The following CTNND2 variants were observed in gnomAD, a reference collection of about 807,000 sequenced individuals.
The protein encoded by CTNND2 is catenin delta 2.
A neutral mutation model predicts 144.4 loss-of-function variants in CTNND2; 22 were observed. The observed-to-expected ratio is 0.15, with a 90% CI of 0.11 to 0.22. The LOEUF (loss-of-function observed/expected upper bound fraction) is 0.22. Ranked by LOEUF, CTNND2 falls within the 10% of genes least tolerant of loss-of-function variation. The probability of loss-of-function intolerance (pLI) is 1.00; values close to 1 mark genes in which losing one functional copy is unlikely to be tolerated. For synonymous variants in CTNND2, 751 were observed against 695.6 expected, an observed-to-expected ratio of 1.08 and a Z score of -1.25; for missense variants, 1,353 against 1,618.8, an observed-to-expected ratio of 0.84 and a Z score of 2.82.
At chr5:11,573,850 T>A (rs1777765931) in intron 2 of CTNND2, among the ~76,000 whole-genome samples, 1 of 152,248 alleles carries the variant, frequency 6.6e-6, no homozygotes, top group African/African-American at 2.4e-5. Flanking sequence ...TCCATCTGCT[T>A]TTGCTCTGCC....
At chr5:11,781,456 T>C (rs1025515176) in intron 1 of CTNND2, among the ~76,000 whole-genome samples, 1 of 152,198 alleles carries the variant, frequency 6.6e-6, no homozygotes, top group African/African-American at 2.4e-5. Context: ...AATCAAATGT[T>C]GGGGATTCCT....
At chr5:11,795,656 A>G (rs1581897577) in intron 1 of CTNND2, among the ~76,000 whole-genome samples, 1 of 152,230 alleles carries the variant, frequency 6.6e-6, no homozygotes. Context: ...ACAGTGGCTG[A>G]TGGCCCATGA....
chr5:11,789,551 G>A (rs1270916987), intron 1 of CTNND2, among the ~76,000 whole-genome samples: 1 of 152,046 alleles, frequency 6.6e-6, no homozygotes, highest in African/African-American at 2.4e-5. Context: ...TGGTATAGAG[G>A]AAAGCTATTG....
intron 1 of CTNND2, among the ~76,000 whole-genome samples, chr5:11,770,450 AGGAAGGAAGGAAGGGGTAGG>A (rs1789861321): frequency 7.4e-6 from 1 of 136,050 alleles, no homozygotes; most frequent in Admixed American, 7.1e-5. Context: ...GAAGGAAGGA[AGGAAGGAAGGAAGGGGTAGG>A]GGTAGGGGAA....
intron 5 of CTNND2, among the ~76,000 whole-genome samples, chr5:11,408,638 G>A (rs1262688251): frequency 6.6e-6 from 1 of 152,018 alleles, no homozygotes; most frequent in East Asian, 1.9e-4. Context: ...ACAATATAAA[G>A]TGACTAATCT....
At chr5:11,629,888 G>T (rs114159761) in intron 2 of CTNND2, among the ~76,000 whole-genome samples, 2,285 of 152,002 alleles carry the variant, frequency 0.015, 60 homozygotes, top group African/African-American at 0.049. Flanking sequence ...GCTATGATAC[G>T]TCATGCTTTA....
At chr5:11,305,377 CCA>C (rs1370036440) in intron 9 of CTNND2, among the ~76,000 whole-genome samples, 1 of 152,204 alleles carries the variant, frequency 6.6e-6, no homozygotes, top group African/African-American at 2.4e-5. Context: ...CCTCCCCACT[CCA>C]GTGCCTTTGG....
intron 2 of CTNND2, among the ~76,000 whole-genome samples, chr5:11,588,306 C>T (rs1399721841): frequency 1.3e-5 from 2 of 148,544 alleles, no homozygotes; most frequent in Non-Finnish European, 3.0e-5. Flanking sequence ...CCTTTAACTG[C>T]GCATCGAAGG....
chr5:11,038,508 C>T (rs576988591), intron 16 of CTNND2, among the ~76,000 whole-genome samples: 1 of 152,250 alleles, frequency 6.6e-6, no homozygotes, highest in African/African-American at 2.4e-5. Flanking sequence ...GAAACTGGTC[C>T]CTGCTGCCAC....
intron 5 of CTNND2, among the ~76,000 whole-genome samples, chr5:11,398,045 T>C (rs753492937): frequency 6.6e-6 from 1 of 152,152 alleles, no homozygotes; most frequent in Non-Finnish European, 1.5e-5. Flanking sequence ...GGAGAGTAAA[T>C]GTACTTGTTA....
At chr5:11,470,647 C>T (rs1256772638) in intron 3 of CTNND2, among the ~76,000 whole-genome samples, 1 of 152,046 alleles carries the variant, frequency 6.6e-6, no homozygotes, top group African/African-American at 2.4e-5. Flanking sequence ...TCCAGGATTC[C>T]ACATTGCATT....
At chr5:11,765,040 C>G (rs963058144) in intron 1 of CTNND2, among the ~76,000 whole-genome samples, 1 of 149,824 alleles carries the variant, frequency 6.7e-6, no homozygotes, top group South Asian at 2.2e-4. Context: ...TCCTGCCCCC[C>G]CCACCCTCCC....
At chr5:11,051,239 C>A (rs998693423) in intron 16 of CTNND2, among the ~76,000 whole-genome samples, 15 of 152,114 alleles carry the variant, frequency 9.9e-5, no homozygotes, top group Non-Finnish European at 1.8e-4. Flanking sequence ...GGTATGGGTA[C>A]CTATGAAGCT....
chr5:11,102,549 T>C (rs1284384639), intron 14 of CTNND2, among the ~76,000 whole-genome samples: 1 of 152,200 alleles, frequency 6.6e-6, no homozygotes, highest in Admixed American at 6.5e-5. Flanking sequence ...CACCCAATAA[T>C]GTATCAGCAC....
At chr5:11,240,155 TTCAC>T (rs1298188615) in intron 9 of CTNND2, among the ~76,000 whole-genome samples, 1 of 34,954 alleles carries the variant, frequency 2.9e-5, no homozygotes, top group Non-Finnish European at 5.7e-5. Flanking sequence ...CACACACACA[TTCAC>T]ACACACACCA....
chr5:11,890,485 T>G (rs1323096014), intron 1 of CTNND2, among the ~76,000 whole-genome samples: 1 of 152,174 alleles, frequency 6.6e-6, no homozygotes, highest in African/African-American at 2.4e-5. Flanking sequence ...TCCCTTCAGA[T>G]AGACTATCCG....
intron 9 of CTNND2, among the ~76,000 whole-genome samples, chr5:11,325,041 T>G (rs957299876): frequency 9.2e-5 from 14 of 152,170 alleles, no homozygotes; most frequent in African/African-American, 3.4e-4. Context: ...AACTGGTGTT[T>G]AAGGAGAGCT....
At chr5:11,077,543 AG>A (rs1436426375) in intron 16 of CTNND2, among the ~76,000 whole-genome samples, 1 of 152,178 alleles carries the variant, frequency 6.6e-6, no homozygotes, top group African/African-American at 2.4e-5. Flanking sequence ...CCAGAGGACT[AG>A]GTGGGGTTGG....
At chr5:11,640,191 T>C (rs1312398235) in intron 2 of CTNND2, among the ~76,000 whole-genome samples, 1 of 152,240 alleles carries the variant, frequency 6.6e-6, no homozygotes, top group African/African-American at 2.4e-5. Context: ...AGAAAAACTC[T>C]GTTAACAAGC....
Sources: gnomAD v4.1 joint callset for allele counts (sites outside exome capture counted in the v4.1 genomes callset) on GRCh38, gnomAD v4.1.1 for gene constraint, MANE v1.5 for transcripts, NCBI Gene and HGNC (gene_info 2026-07-23, HGNC 2026-07-21) for gene names.